Variants in CREB5 observed in about 807,000 individuals in gnomAD.
The protein encoded by CREB5 is cyclic AMP-responsive element-binding protein 5.
Under a neutral mutation model 57.1 loss-of-function variants are expected in CREB5, and 19 were observed. That is an observed-to-expected ratio of 0.33 (90% CI 0.23 to 0.49). CREB5 has a LOEUF of 0.49. CREB5 is among the 20% of genes least tolerant of loss of function. CREB5 has a pLI of 0.99. For synonymous variants in CREB5, 238 were observed against 238.3 expected (o/e 1.00, Z 0.01); for missense variants, 579 against 671.6 (o/e 0.86, Z 1.52).
At chr7:28,456,788 CTTGCTCTCTCTTTACAGAA>C (rs1790110500) in intron 1 of CREB5, among the ~76,000 whole-genome samples, 1 of 152,192 alleles carries the variant, frequency 6.6e-6, no homozygotes, top group South Asian at 2.1e-4. Flanking sequence ...TTATTTTATT[CTTGCTCTCTCTTTACAGAA>C]TTGTGCCTGG....
At chr7:28,812,262 C>A (rs907140658) in intron 9 of CREB5, among the ~76,000 whole-genome samples, 3 of 152,178 alleles carry the variant, frequency 2.0e-5, no homozygotes, top group Non-Finnish European at 2.9e-5. Flanking sequence ...TGCAGAATTC[C>A]TTCAGGGTAT....
At chr7:28,742,064 TA>T (rs58431827) in intron 7 of CREB5, among the ~76,000 whole-genome samples, 73,741 of 111,312 alleles carry the variant, frequency 0.66, 24,212 homozygotes, top group Non-Finnish European at 0.75. Context: ...AGATTCCCTC[TA>T]AAAAAAAAAA....
chr7:28,378,573 T>G (rs1583408279), intron 1 of CREB5, among the ~76,000 whole-genome samples: 1 of 152,270 alleles, frequency 6.6e-6, no homozygotes, highest in South Asian at 2.1e-4. Context: ...TGATACCTTT[T>G]GCCTCTCTTG....
chr7:28,745,896 G>C (rs1185049392), intron 7 of CREB5, among the ~76,000 whole-genome samples: 4 of 152,188 alleles, frequency 2.6e-5, no homozygotes, highest in Non-Finnish European at 5.9e-5. Flanking sequence ...GAACATTTTA[G>C]TGCTCTGGCT....
rs1794896316 is a variant in CREB5 at position 28,556,727 on chromosome 7, A to G, written c.292-13638A>G. Among the ~76,000 whole-genome samples the G allele has an allele frequency of 2.6e-5, 4 of 152,290 alleles. No homozygotes were observed. In the South Asian group the frequency reaches 8.3e-4, roughly 32 times the overall value. The stretch of plus-strand genomic sequence containing the variant: ...TTTTTGACTCTGTTCTTGCCCTGAA[A>G]GCCTGGCCCGTACACACAATCTTAA... On this transcript the variant is annotated intron_variant, in intron 4 of 10. Transcript: ENST00000357727.
intron 4 of CREB5, among the ~76,000 whole-genome samples, chr7:28,519,326 CT>C (rs947032159): frequency 6.6e-6 from 1 of 152,180 alleles, no homozygotes; most frequent in African/African-American, 2.4e-5. Context: ...GGAATTCAGA[CT>C]TTGGGAACAA....
intron 1 of CREB5, among the ~76,000 whole-genome samples, chr7:28,337,672 A>C (rs190468873): frequency 5.4e-4 from 82 of 152,072 alleles, no homozygotes; most frequent in Admixed American, 9.8e-4. Context: ...ATGTCTTTTG[A>C]TTGGAAAGAT....
intron 1 of CREB5, among the ~76,000 whole-genome samples, chr7:28,342,642 A>G (rs1453529548): frequency 6.6e-6 from 1 of 152,236 alleles, no homozygotes; most frequent in African/African-American, 2.4e-5. Context: ...CTTTGTTTCT[A>G]GAATATCACT....
intron 5 of CREB5, among the ~76,000 whole-genome samples, chr7:28,706,248 C>T (rs1170348898): frequency 6.6e-6 from 1 of 152,054 alleles, no homozygotes; most frequent in Non-Finnish European, 1.5e-5. Flanking sequence ...CCCAGGCACT[C>T]AGGAGGCTGA....
At chr7:28,573,393 G>A (rs1265873168) in intron 5 of CREB5, among the ~76,000 whole-genome samples, 3 of 152,168 alleles carry the variant, frequency 2.0e-5, no homozygotes, top group Admixed American at 1.3e-4. Flanking sequence ...ATGGCTACTG[G>A]CCAAGAAAAA....
At chr7:28,339,754 G>A (rs749785163) in intron 1 of CREB5, among the ~76,000 whole-genome samples, 32 of 152,318 alleles carry the variant, frequency 2.1e-4, no homozygotes, top group Non-Finnish European at 4.4e-4. Context: ...AGGCTGGTCC[G>A]AGATGATGTC....
intron 4 of CREB5, among the ~76,000 whole-genome samples, chr7:28,524,359 A>ACACG (rs1491059131): frequency 6.9e-6 from 1 of 145,834 alleles, no homozygotes; most frequent in East Asian, 2.0e-4. Flanking sequence ...ACACACACAC[A>ACACG]CGGCAGATGT....
chr7:28,682,192 C>T (rs752058960), intron 5 of CREB5, among the ~76,000 whole-genome samples: 3 of 152,150 alleles, frequency 2.0e-5, no homozygotes, highest in Non-Finnish European at 4.4e-5. Flanking sequence ...CAGATCACTC[C>T]CTTGTCTTCT....
chr7:28,570,570 T>A, intron 5 of CREB5, 33 bp downstream of exon 5: 1 of 1,599,180 alleles, frequency 6.3e-7, no homozygotes, highest in Non-Finnish European at 8.5e-7. Context: ...CCCTGGGTCC[T>A]GGCTGGAACT....
chr7:28,360,806 T>C (rs188081583), intron 1 of CREB5, among the ~76,000 whole-genome samples: 1 of 152,334 alleles, frequency 6.6e-6, no homozygotes, highest in Admixed American at 6.5e-5. Flanking sequence ...TAGCAGTTTG[T>C]GTTCTGGGTT....
chr7:28,684,789 T>TA (rs555930930), intron 5 of CREB5, among the ~76,000 whole-genome samples: 2 of 152,102 alleles, frequency 1.3e-5, no homozygotes, highest in South Asian at 2.1e-4. Context: ...TTGTGGTATT[T>TA]AAAAAAAATT....
chr7:28,560,866 C>CGTGCGCGCGCGTGCGTGCG, intron 4 of CREB5, among the ~76,000 whole-genome samples: 1 of 50,294 alleles, frequency 2.0e-5, no homozygotes, highest in Non-Finnish European at 4.3e-5. Flanking sequence ...GTGCGTGTGC[C>CGTGCGCGCGCGTGCGTGCG]TGCGTGCGCG....
intron 5 of CREB5, among the ~76,000 whole-genome samples, chr7:28,634,930 A>G (rs547879953): frequency 2.6e-5 from 4 of 152,352 alleles, no homozygotes; most frequent in African/African-American, 9.6e-5. Flanking sequence ...TTTGCCTGCA[A>G]GTAACGAAAA....
intron 9 of CREB5, among the ~76,000 whole-genome samples, chr7:28,817,377 T>C (rs1030100861): frequency 3.3e-5 from 5 of 152,114 alleles, no homozygotes; most frequent in Admixed American, 2.0e-4. Flanking sequence ...GAGTAGGAGA[T>C]GGTGGGGAGA....
Sources: gnomAD v4.1 joint callset for allele counts (sites outside exome capture counted in the v4.1 genomes callset) on GRCh38, gnomAD v4.1.1 for gene constraint, MANE v1.5 for transcripts, NCBI Gene and HGNC (gene_info 2026-07-23, HGNC 2026-07-21) for gene names.